Variants in GABRB3 observed in about 807,000 individuals in gnomAD.
The protein encoded by GABRB3 is gamma-aminobutyric acid type A receptor subunit beta3.
GABRB3 carries 14 observed loss-of-function variants against 52.1 expected under a neutral mutation model. That is an observed-to-expected ratio of 0.27 (90% CI 0.18 to 0.42). The LOEUF is 0.42. GABRB3 is among the 10% of genes least tolerant of loss of function. The pLI is 1.00. For synonymous variants in GABRB3, 260 were observed against 232.3 expected (o/e 1.12, Z -1.08); for missense variants, 307 against 609.1 (o/e 0.50, Z 5.22).
At chr15:26,591,176 G>A (rs1891190009) in intron 4 of GABRB3, among the ~76,000 whole-genome samples, 1 of 152,136 alleles carries the variant, frequency 6.6e-6, no homozygotes, top group Non-Finnish European at 1.5e-5. Context: ...CAAGCAATGA[G>A]CACTTTGGGG....
At chr15:26,773,562 C>T, upstream of GABRB3, 2 of 1,119,002 alleles carry the variant, frequency 1.8e-6, no homozygotes, top group Non-Finnish European at 2.6e-6. Flanking sequence ...CGAGAGCCCC[C>T]GGGTGCCGCG....
At chr15:26,566,398 C>T (rs1465099439) in intron 7 of GABRB3, among the ~76,000 whole-genome samples, 2 of 152,164 alleles carry the variant, frequency 1.3e-5, no homozygotes, top group African/African-American at 4.8e-5. Context: ...AAAGAAAACA[C>T]GTTATTCAAT....
At position 26,547,989 on chromosome 15, in the gene GABRB3, C is replaced by T. The variant is rs766795597; in HGVS notation, c.1226G>A (p.Arg409Gln). The change falls in exon 9 of 9, where the codon CGA becomes CAA. Residue 409 changes from arginine (R) to glutamine (Q), a missense_variant. Transcript: ENST00000311550. ...CCCCAGGAATCGCCCATGCCCTTCT[C>T]GAGGCATGCTCTGTTTCCTGTACTG... ...GIQYRKQSMP[R>Q]EGHGRFLGDR... 7 of 1,614,008 alleles carry T rather than the reference C, an allele frequency of 4.3e-6. No homozygotes were observed. Among genetic ancestry groups the T allele is most frequent in the South Asian group, 2.2e-5 (2 of 91,082 alleles).
At chr15:26,724,488 G>C (rs1049954340) in intron 3 of GABRB3, among the ~76,000 whole-genome samples, 1 of 152,130 alleles carries the variant, frequency 6.6e-6, no homozygotes, top group Non-Finnish European at 1.5e-5. Flanking sequence ...GCAACCAACT[G>C]TCTGAGGCTG....
chr15:26,688,848 T>C (rs1399779366), intron 3 of GABRB3, among the ~76,000 whole-genome samples: 1 of 152,226 alleles, frequency 6.6e-6, no homozygotes, highest in Non-Finnish European at 1.5e-5. Flanking sequence ...TCAGCTGTCT[T>C]AGGAGTGGCT....
chr15:26,718,803 T>C (rs1420055922), intron 3 of GABRB3, among the ~76,000 whole-genome samples: 2 of 152,200 alleles, frequency 1.3e-5, no homozygotes, highest in Admixed American at 6.5e-5. Flanking sequence ...CTCCTGAAGC[T>C]GTACACCTCC....
At chr15:26,660,296 C>T (rs1887500530) in intron 3 of GABRB3, among the ~76,000 whole-genome samples, 1 of 151,774 alleles carries the variant, frequency 6.6e-6, no homozygotes, top group Non-Finnish European at 1.5e-5. Context: ...TCTAGATACT[C>T]AGTTGATTAG....
intron 4 of GABRB3, chr15:26,614,594 G>A (rs1892189394): frequency 6.6e-6 from 1 of 152,060 alleles, no homozygotes; most frequent in African/African-American, 2.4e-5. Flanking sequence ...ACAAAACAAG[G>A]GTTTGGGAGT....
intron 3 of GABRB3, among the ~76,000 whole-genome samples, chr15:26,741,174 T>C (rs1196892402): frequency 6.6e-6 from 1 of 152,092 alleles, no homozygotes; most frequent in Non-Finnish European, 1.5e-5. Context: ...CTTTCATCCC[T>C]TGAAGTACCA....
chr15:26,627,935 G>A (rs1461532182), intron 3 of GABRB3, among the ~76,000 whole-genome samples: 1 of 152,170 alleles, frequency 6.6e-6, no homozygotes, highest in Admixed American at 6.5e-5. Flanking sequence ...GAAAGGAATA[G>A]CCAAAGTAAT....
At chr15:26,641,702 G>A (rs953445016) in intron 3 of GABRB3, among the ~76,000 whole-genome samples, 3 of 152,156 alleles carry the variant, frequency 2.0e-5, no homozygotes, top group Non-Finnish European at 4.4e-5. Flanking sequence ...CTGGGCCATG[G>A]CCAGATGCCC....
chr15:26,690,679 C>T (rs528286394), intron 3 of GABRB3, among the ~76,000 whole-genome samples: 2 of 151,878 alleles, frequency 1.3e-5, no homozygotes, highest in Non-Finnish European at 2.9e-5. Flanking sequence ...CTGATGTTCC[C>T]ACTTAGTGTT....
At chr15:26,685,153 C>T (rs1259599613) in intron 3 of GABRB3, among the ~76,000 whole-genome samples, 1 of 152,168 alleles carries the variant, frequency 6.6e-6, no homozygotes, top group African/African-American at 2.4e-5. Flanking sequence ...AGTGAATTAA[C>T]CACGGGGCTT....
At chr15:26,756,640 A>C (rs1447524570) in intron 3 of GABRB3, among the ~76,000 whole-genome samples, 5 of 152,194 alleles carry the variant, frequency 3.3e-5, no homozygotes, top group Non-Finnish European at 7.3e-5. Flanking sequence ...ACCTGACACA[A>C]TGTTAAAAAA....
At chr15:26,594,369 A>C (rs2140765455) in intron 4 of GABRB3, among the ~76,000 whole-genome samples, 1 of 152,136 alleles carries the variant, frequency 6.6e-6, no homozygotes, top group Admixed American at 6.5e-5. Context: ...GCTGCTTTTA[A>C]CTTTATGAGT....
At chr15:26,687,798 G>A (rs1888454594) in intron 3 of GABRB3, among the ~76,000 whole-genome samples, 1 of 152,184 alleles carries the variant, frequency 6.6e-6, no homozygotes. Flanking sequence ...GTTTTAATAA[G>A]TACTTCTGTG....
intron 8 of GABRB3, 39 bp from the exon 9 acceptor site, chr15:26,548,173 A>G: frequency 6.6e-7 from 1 of 1,523,156 alleles, no homozygotes; most frequent in Non-Finnish European, 9.1e-7. Flanking sequence ...GACAGCCAGC[A>G]GCATAATTTC....
At chr15:26,609,091 CACACACACACAT>C (rs1450140989) in intron 4 of GABRB3, among the ~76,000 whole-genome samples, 1,119 of 74,346 alleles carry the variant, frequency 0.015, 9 homozygotes, top group African/African-American at 0.054. Context: ...GATACACACA[CACACACACACAT>C]ACACACACAC....
At chr15:26,554,192 T>TATATATATATAG (rs1889658093) in intron 8 of GABRB3, among the ~76,000 whole-genome samples, 1 of 2,974 alleles carries the variant, frequency 3.4e-4, no homozygotes, top group Non-Finnish European at 7.0e-4. Context: ...ATATATATAC[T>TATATATATATAG]ATATATATAT....
Sources: allele counts gnomAD v4.1 joint callset (sites outside exome capture counted in the v4.1 genomes callset), GRCh38; gene constraint gnomAD v4.1.1; transcripts MANE v1.5; gene names NCBI Gene and HGNC (gene_info 2026-07-23, HGNC 2026-07-21).